Variants in KCNT2 observed in about 807,000 individuals in gnomAD.
The protein encoded by KCNT2 is potassium channel subfamily T member 2.
KCNT2 carries 67 observed loss-of-function variants against 153.8 expected under a neutral mutation model. That is an observed-to-expected ratio of 0.44 (90% CI 0.36 to 0.53). KCNT2 has a LOEUF of 0.53. Among genes scored for constraint, KCNT2 ranks in the 20% least tolerant of loss-of-function variants. The probability of loss-of-function intolerance (pLI) is 0.00; values close to 1 mark genes in which losing one functional copy is unlikely to be tolerated. For missense variants in KCNT2, 975 were observed against 1,354.8 expected, an observed-to-expected ratio of 0.72 and a Z score of 4.40; for synonymous variants, 500 against 458.8, an observed-to-expected ratio of 1.09 and a Z score of -1.15.
intron 1 of KCNT2, among the ~76,000 whole-genome samples, chr1:196,570,170 T>C (rs2148948103): frequency 6.6e-6 from 1 of 150,622 alleles, no homozygotes; most frequent in South Asian, 2.1e-4. Context: ...TTCATTCCAC[T>C]AAAAGCAACC....
intron 19 of KCNT2, among the ~76,000 whole-genome samples, chr1:196,320,665 CT>C (rs1663208230): frequency 6.6e-6 from 1 of 150,794 alleles, no homozygotes; most frequent in Non-Finnish European, 1.5e-5. Flanking sequence ...CCTTCTAGCT[CT>C]TTACACTCTG....
intron 1 of KCNT2, among the ~76,000 whole-genome samples, chr1:196,604,330 C>T (rs1665079762): frequency 6.6e-6 from 1 of 152,134 alleles, no homozygotes; most frequent in Non-Finnish European, 1.5e-5. Flanking sequence ...CCGTATTTGT[C>T]CCAAAACCTA....
At chr1:196,350,862 T>G (rs548539149) in intron 14 of KCNT2, among the ~76,000 whole-genome samples, 28 of 152,228 alleles carry the variant, frequency 1.8e-4, no homozygotes, top group South Asian at 6.2e-4. Context: ...CTTTAATCCA[T>G]CTTGAATTAA....
In KCNT2 at chr1:196,382,271, A is replaced by ATT. The variant is rs5779833; in HGVS notation, c.1295-9025_1295-9024dup. On this transcript the variant is annotated intron_variant, in intron 13 of 27. Coordinates refer to ENST00000294725, the MANE Select transcript of KCNT2 (RefSeq NM_198503.5). Reference sequence around the variant, plus strand: ...CTGCCACCACACCCGGCTATTTTTTATTTTTTTTTGTATTTTTAGTAGAGA... The same window carrying ATT: ...CTGCCACCACACCCGGCTATTTTTTATTTTTTTTTTTGTATTTTTAGTAGAGA... Among the ~76,000 whole-genome samples, 144 of 148,694 alleles carry ATT rather than the reference A, an allele frequency of 9.7e-4. 1 individual carries two copies. The highest frequency in any genetic ancestry group is 4.3e-3 in the South Asian group (20 of 4,684).
chr1:196,413,562 G>A (rs189336642), intron 12 of KCNT2, among the ~76,000 whole-genome samples: 3 of 151,442 alleles, frequency 2.0e-5, no homozygotes, highest in Admixed American at 6.6e-5. Flanking sequence ...TGTTACCATC[G>A]TATAAAAAAA....
chr1:196,310,777 A>G (rs1167399303), intron 21 of KCNT2, among the ~76,000 whole-genome samples: 1 of 151,884 alleles, frequency 6.6e-6, no homozygotes, highest in East Asian at 1.9e-4. Context: ...TTTTCCTGAA[A>G]CAATTCTCTA....
At chr1:196,512,033 T>C (rs1190410424) in intron 1 of KCNT2, among the ~76,000 whole-genome samples, 1 of 152,102 alleles carries the variant, frequency 6.6e-6, no homozygotes, top group African/African-American at 2.4e-5. Flanking sequence ...TAATCAGCAA[T>C]TTTTCAAGGT....
intron 26 of KCNT2, 171 bp downstream of exon 26, chr1:196,258,023 A>G (rs1429600501): frequency 7.0e-7 from 1 of 1,418,842 alleles, no homozygotes; most frequent in East Asian, 2.5e-5. Context: ...TTAGCATTTT[A>G]TCTTATCATC....
At chr1:196,281,047 A>G (rs1659044353) in intron 24 of KCNT2, 59 bp from the exon 25 acceptor site, 1 of 1,335,886 alleles carries the variant, frequency 7.5e-7, no homozygotes. Context: ...ACCTAGTGGT[A>G]ACTTTACATT....
intron 1 of KCNT2, among the ~76,000 whole-genome samples, chr1:196,508,847 A>G (rs1226459018): frequency 6.6e-6 from 1 of 152,210 alleles, no homozygotes; most frequent in African/African-American, 2.4e-5. Context: ...AGCTGCTGCA[A>G]TCATTTTTGT....
intron 1 of KCNT2, among the ~76,000 whole-genome samples, chr1:196,547,979 T>C (rs116439983): frequency 0.013 from 2,024 of 151,938 alleles, 27 homozygotes; most frequent in African/African-American, 0.046. Context: ...CCCACAGATT[T>C]AGCATTTCAA....
intron 4 of KCNT2, 146 bp from the exon 5 acceptor site, chr1:196,479,384 T>A (rs1678810666): frequency 5.3e-6 from 3 of 568,256 alleles, no homozygotes; most frequent in Admixed American, 7.3e-5. Context: ...TACTTTAACT[T>A]CTATACACAG....
intron 1 of KCNT2, chr1:196,582,404 C>T (rs538433693): frequency 8.6e-4 from 133 of 154,298 alleles, no homozygotes; most frequent in Middle Eastern, 1.6e-3. Context: ...ACTTGACATG[C>T]GCAAAAAATG....
At chr1:196,238,072 CTATA>C (rs1654603051) in intron 26 of KCNT2, among the ~76,000 whole-genome samples, 1 of 151,784 alleles carries the variant, frequency 6.6e-6, no homozygotes, top group African/African-American at 2.4e-5. Context: ...TCTTATTTGA[CTATA>C]TATAACTCCG....
intron 1 of KCNT2, among the ~76,000 whole-genome samples, chr1:196,505,133 G>A (rs1681025617): frequency 6.6e-6 from 1 of 151,952 alleles, no homozygotes; most frequent in African/African-American, 2.4e-5. Flanking sequence ...CATTGCTTTT[G>A]GTGTTGTAGA....
chr1:196,288,096 A>C (rs1233075373), intron 22 of KCNT2, among the ~76,000 whole-genome samples: 1 of 151,830 alleles, frequency 6.6e-6, no homozygotes, highest in Non-Finnish European at 1.5e-5. Flanking sequence ...CTATAAGCAG[A>C]ATGTCCAGCA....
chr1:196,228,205 G>C lies in KCNT2; in HGVS notation c.*19C>G. ...CAAGCAAGGTCTTTGTAGGAAAAAA[G>C]TTTCTCATTTTATTTTTATCAAAGT... On this transcript the variant is annotated 3_prime_UTR_variant, in exon 28 of 28. Coordinates refer to ENST00000294725, the MANE Select transcript of KCNT2 (RefSeq NM_198503.5). 6.7e-7 allele frequency: 1 copy of C among 1,496,968 alleles called. No homozygotes were observed. Among genetic ancestry groups the C allele is most frequent in the South Asian group, 1.2e-5 (1 of 86,458 alleles). The allele number at this position is 1,496,968 out of a possible 1,614,324, so 92.7% of individuals were successfully genotyped here. A position where few individuals can be genotyped will look rare whatever the true frequency, so the allele number is the denominator to read the frequency against.
At chr1:196,296,501 T>C (rs935665799) in intron 22 of KCNT2, among the ~76,000 whole-genome samples, 1 of 152,010 alleles carries the variant, frequency 6.6e-6, no homozygotes, top group Admixed American at 6.5e-5. Flanking sequence ...ATACAAATTC[T>C]ACATCTTGTG....
chr1:196,226,714 T>A lies in KCNT2; in HGVS notation c.*1510A>T, dbSNP rs563288446. 6.6e-6 allele frequency: 1 copy of A among 152,134 alleles called. No individual in the cohort carries two copies. The highest frequency in any genetic ancestry group is 1.9e-4 in the East Asian group (1 of 5,184). 9.4% of individuals were successfully genotyped at this position (152,134 alleles called of 1,614,324 possible). On this transcript the variant is annotated 3_prime_UTR_variant, in exon 28 of 28. Transcript: ENST00000294725. Reference sequence around the variant, plus strand: ...TAGAATTATTGAGAGTACATTAGAATATCTTTTCTTTAAAAATTTTATTAT... The same window carrying A: ...TAGAATTATTGAGAGTACATTAGAAAATCTTTTCTTTAAAAATTTTATTAT...
Sources: gnomAD v4.1 joint callset for allele counts (sites outside exome capture counted in the v4.1 genomes callset) on GRCh38, gnomAD v4.1.1 for gene constraint, MANE v1.5 for transcripts, NCBI Gene and HGNC (gene_info 2026-07-23, HGNC 2026-07-21) for gene names.